RGMA: variants seen among roughly 807,000 people sequenced by gnomAD.
The protein encoded by RGMA is repulsive guidance molecule A.
A neutral mutation model predicts 23.2 loss-of-function variants in RGMA; 10 were observed. The ratio of observed to expected loss-of-function variants is 0.43; its 90% CI spans 0.27 to 0.73. The LOEUF (loss-of-function observed/expected upper bound fraction) is 0.73, where lower values mean the gene tolerates loss of function less well. RGMA is among the 30% of genes least tolerant of loss of function. The probability of loss-of-function intolerance (pLI) is 0.20; values close to 1 mark genes in which losing one functional copy is unlikely to be tolerated. For synonymous variants in RGMA, 308 were observed against 279.3 expected, an observed-to-expected ratio of 1.10 and a Z score of -1.03; for missense variants, 547 against 630.5, an observed-to-expected ratio of 0.87 and a Z score of 1.42.
intron 1 of RGMA, among the ~76,000 whole-genome samples, chr15:93,078,210 G>A (rs74545857): frequency 1.3e-5 from 2 of 152,162 alleles, no homozygotes; most frequent in African/African-American, 4.8e-5. Context: ...AAACTAGCTT[G>A]ATCTAGATTT....
chr15:93,053,250 T>G (rs2054957968), intron 2 of RGMA, among the ~76,000 whole-genome samples: 1 of 152,228 alleles, frequency 6.6e-6, no homozygotes. Flanking sequence ...TTAGCCAAAA[T>G]GACCGTGCCC....
chr15:93,058,342 G>A (rs530340113), intron 2 of RGMA, among the ~76,000 whole-genome samples: 40 of 152,292 alleles, frequency 2.6e-4, no homozygotes, highest in Admixed American at 8.5e-4. Context: ...GTGTGACTGT[G>A]GGCAAATTCA....
rs1287801981 is a variant in RGMA at position 93,035,535 on chromosome 15, G to T, written c.*9463C>A. 1 of 152,230 alleles carries T rather than the reference G, an allele frequency of 6.6e-6. No homozygotes were observed. Among genetic ancestry groups the T allele is most frequent in the Non-Finnish European group, 1.5e-5 (1 of 68,066 alleles). The allele number at this position is 152,230 out of a possible 1,614,324, so 9.4% of individuals were successfully genotyped here. On this transcript the variant is annotated 3_prime_UTR_variant, in exon 4 of 4. Transcript: ENST00000329082. ...TCAGACGTCCCCTGGAGGCCGTGGG[G>T]CATGAAGACCACGATCAGACAGGAA...
intron 2 of RGMA, among the ~76,000 whole-genome samples, chr15:93,059,725 G>A (rs900513912): frequency 2.6e-5 from 4 of 152,134 alleles, no homozygotes; most frequent in Non-Finnish European, 5.9e-5. Flanking sequence ...ATCACCAACT[G>A]CAGCCCCCCA....
Position 93,045,671 on chromosome 15 carries a change from A to C in RGMA, c.680T>G (p.Val227Gly). The C allele has an allele frequency of 1.9e-6, 3 of 1,607,030 alleles. No homozygotes were observed. Among genetic ancestry groups the C allele is most frequent in the Non-Finnish European group, 1.7e-6 (2 of 1,179,848 alleles). The change falls in exon 4 of 4, where the codon GTG becomes GGG. Residue 227 changes from valine to glycine, a missense_variant. This residue lies in a region of RGMA where 128 missense variants were observed against 191.7 expected (regional missense o/e 0.67). Coordinates refer to ENST00000329082, the MANE Select transcript of RGMA (RefSeq NM_020211.3). The surrounding 1 kb of genome is among the most constrained non-coding windows in gnomAD (Gnocchi z 6.9). ...TIIFKNFQECVDQKVYQAEMD... is the reference protein window; with the variant it reads ...TIIFKNFQECGDQKVYQAEMD... The stretch of plus-strand genomic sequence containing the variant: ...CTCAGCCTGGTACACCTTCTGGTCC[A>C]CACACTCCTGGAAGTTCTTGAAGAT...
intron 2 of RGMA, among the ~76,000 whole-genome samples, chr15:93,068,075 G>A (rs895895459): frequency 6.6e-6 from 1 of 152,248 alleles, no homozygotes; most frequent in East Asian, 1.9e-4. Context: ...GACAGGAGAG[G>A]ATAAAACTAG....
intron 1 of RGMA, among the ~76,000 whole-genome samples, chr15:93,082,350 T>C (rs1300610033): frequency 6.6e-6 from 1 of 152,236 alleles, no homozygotes; most frequent in African/African-American, 2.4e-5. Flanking sequence ...GATGGGCACC[T>C]ACTAGAAAAA....
chr15:93,064,651 G>A (rs958320620), intron 2 of RGMA, among the ~76,000 whole-genome samples: 2 of 152,228 alleles, frequency 1.3e-5, no homozygotes, highest in Admixed American at 6.5e-5. Context: ...ACCTAGGTGC[G>A]GAGGCATCAC....
intron 2 of RGMA, among the ~76,000 whole-genome samples, chr15:93,071,126 T>TC (rs1300664553): frequency 6.6e-6 from 1 of 152,008 alleles, no homozygotes; most frequent in Non-Finnish European, 1.5e-5. Flanking sequence ...TGAGATCACA[T>TC]CCCCCACGGC....
intron 3 of RGMA, among the ~76,000 whole-genome samples, chr15:93,050,201 G>A (rs1039037994): frequency 6.6e-6 from 1 of 152,190 alleles, no homozygotes; most frequent in African/African-American, 2.4e-5. Flanking sequence ...TTCTGGGAGG[G>A]AGGGCAACAA....
chr15:93,086,366 T>C (rs1054780458), intron 1 of RGMA, among the ~76,000 whole-genome samples: 2 of 152,218 alleles, frequency 1.3e-5, no homozygotes, highest in Non-Finnish European at 2.9e-5. Context: ...ACTTGGATAC[T>C]TCCTGCCTCT....
In RGMA at chr15:93,041,193, A is replaced by C. The variant is rs1341711777; in HGVS notation, c.*3805T>G. ...CTCTCATTCATTTGTTTTAAAGGCC[A>C]TTTCTCTCCTGTCCTATAGCCTTGC... is the stretch of plus-strand genomic sequence containing the variant. On this transcript the variant is annotated 3_prime_UTR_variant, in exon 4 of 4. Coordinates refer to ENST00000329082, the MANE Select transcript of RGMA (RefSeq NM_020211.3). 3 of 147,784 alleles carry C rather than the reference A, an allele frequency of 2.0e-5. No homozygotes were observed. The highest frequency in any genetic ancestry group is 7.6e-5 in the African/African-American group (3 of 39,722). 9.2% of individuals were successfully genotyped at this position (147,784 alleles called of 1,614,324 possible).
In RGMA at chr15:93,043,993, G is replaced by C. The variant is rs1182711239; in HGVS notation, c.*1005C>G. On this transcript the variant is annotated 3_prime_UTR_variant, in exon 4 of 4. Transcript: ENST00000329082. ...ACAGGGCTTAAGGGAAGAGATTAGA[G>C]GTTGAAGACCCTGCCAGGGATGCTC... The C allele has an allele frequency of 6.6e-6, 1 of 152,320 alleles. No homozygotes were observed. The highest frequency in any genetic ancestry group is 2.4e-5 in the African/African-American group (1 of 41,434). The allele number at this position is 152,320 out of a possible 1,614,324, so 9.4% of individuals were successfully genotyped here.
intron 2 of RGMA, chr15:93,065,861 G>C: frequency 1.4e-6 from 1 of 737,408 alleles, no homozygotes; most frequent in East Asian, 2.7e-5. Flanking sequence ...CTCCAATGGG[G>C]CTCTTTGGGC....
chr15:93,079,309 G>A (rs907447082), intron 1 of RGMA, among the ~76,000 whole-genome samples: 1 of 152,224 alleles, frequency 6.6e-6, no homozygotes, highest in Non-Finnish European at 1.5e-5. Flanking sequence ...ATGGAACTTT[G>A]TCAGAAGGAA....
chr15:93,074,032 TCTC>T (rs1895427711), intron 1 of RGMA: 2 of 1,374,838 alleles, frequency 1.5e-6, no homozygotes, highest in Admixed American at 6.7e-5. Flanking sequence ...GAAAGAAACA[TCTC>T]CTTCCCAAGG....
chr15:93,071,737 T>G (rs1433061270), intron 2 of RGMA, among the ~76,000 whole-genome samples: 3 of 152,254 alleles, frequency 2.0e-5, no homozygotes, highest in African/African-American at 7.2e-5. Flanking sequence ...TGAAACCCAG[T>G]TGGCGGAAGA....
intron 2 of RGMA, among the ~76,000 whole-genome samples, chr15:93,068,892 AC>A (rs1251337327): frequency 3.8e-4 from 58 of 152,328 alleles, no homozygotes; most frequent in African/African-American, 1.3e-3. Context: ...GCTGTAAGGC[AC>A]CATCTACAAA....
intron 2 of RGMA, among the ~76,000 whole-genome samples, chr15:93,060,770 C>G (rs1270626536): frequency 6.6e-6 from 1 of 152,212 alleles, no homozygotes; most frequent in African/African-American, 2.4e-5. Context: ...CCAGTTTATG[C>G]AGCAGGACAT....
Sources: gnomAD v4.1 joint callset for allele counts (sites outside exome capture counted in the v4.1 genomes callset) on GRCh38, gnomAD v4.1.1 for gene constraint, gnomAD v4.1.1 regional missense constraint, Gnocchi (gnomAD v3.1) non-coding constraint, MANE v1.5 for transcripts, NCBI Gene and HGNC (gene_info 2026-07-23, HGNC 2026-07-21) for gene names.